ERC1: variants seen among roughly 807,000 people sequenced by gnomAD.
ERC1 encodes ELKS/RAB6-interacting/CAST family member 1, also known as RAB6 interacting protein 2.
Under a neutral mutation model 132.0 loss-of-function variants are expected in ERC1, and 56 were observed. The observed-to-expected ratio is 0.42, with a 90% CI of 0.34 to 0.53. The LOEUF is 0.53. ERC1 is among the 20% of genes least tolerant of loss of function. The pLI is 0.03. For synonymous variants in ERC1, 478 were observed against 476.1 expected, an observed-to-expected ratio of 1.00 and a Z score of -0.05; for missense variants, 1,202 against 1,349.9, an observed-to-expected ratio of 0.89 and a Z score of 1.72.
intron 1 of ERC1, among the ~76,000 whole-genome samples, chr12:999,652 G>A (rs1437536309): frequency 1.6e-5 from 2 of 121,740 alleles, no homozygotes; most frequent in Admixed American, 1.2e-4. Context: ...TCACTCTGTC[G>A]CCAGGCTGGA....
At chr12:1,346,873 C>T (rs1211424585) in intron 15 of ERC1, among the ~76,000 whole-genome samples, 1 of 146,766 alleles carries the variant, frequency 6.8e-6, no homozygotes, top group African/African-American at 2.6e-5. Context: ...ACCCGGGAAG[C>T]GGAGCTTGCA....
intron 15 of ERC1, among the ~76,000 whole-genome samples, chr12:1,346,612 A>G (rs917044435): frequency 6.6e-6 from 1 of 152,230 alleles, no homozygotes; most frequent in African/African-American, 2.4e-5. Flanking sequence ...TCCAGTGTAT[A>G]GGAAACAGCG....
intron 14 of ERC1, among the ~76,000 whole-genome samples, chr12:1,285,877 T>C (rs930120749): frequency 2.0e-5 from 3 of 152,168 alleles, no homozygotes; most frequent in African/African-American, 7.2e-5. Flanking sequence ...ATCCTGAACA[T>C]GTAGAAAAAT....
In ERC1 at chr12:1,066,297, A is replaced by AT. The variant is rs553759047; in HGVS notation, c.670-16866dup. ...TTACCGGGAGCTGGAGCCTTCACATATATTGATTCTAAGCCTTATGTCAGC... is the reference window on the plus strand; with the variant it reads ...TTACCGGGAGCTGGAGCCTTCACATATTATTGATTCTAAGCCTTATGTCAGC... On this transcript the variant is annotated intron_variant, in intron 2 of 18. Transcript: ENST00000360905. Among the ~76,000 whole-genome samples the AT allele has an allele frequency of 7.1e-3, 1,082 of 152,376 alleles. 11 individuals are homozygous for AT. The highest frequency in any genetic ancestry group is 0.025 in the African/African-American group (1,038 of 41,594).
chr12:1,433,073 G>C (rs2092844130), intron 17 of ERC1, among the ~76,000 whole-genome samples: 1 of 152,196 alleles, frequency 6.6e-6, no homozygotes. Flanking sequence ...ATCCAGTGTA[G>C]TACTGTAAGG....
upstream of ERC1, chr12:990,058 A>C (rs1443996278): frequency 1.3e-5 from 2 of 152,214 alleles, no homozygotes; most frequent in African/African-American, 2.4e-5. Flanking sequence ...GGGAACAGTT[A>C]AGAGTCCGGG....
intron 2 of ERC1, among the ~76,000 whole-genome samples, chr12:1,051,394 A>G (rs1259345951): frequency 6.6e-6 from 1 of 152,116 alleles, no homozygotes; most frequent in Non-Finnish European, 1.5e-5. Flanking sequence ...GTATAATTAG[A>G]AATAAAGAAG....
chr12:1,444,505 C>A, intron 17 of ERC1, 57 bp from the exon 18 acceptor site: 1 of 1,287,260 alleles, frequency 7.8e-7, no homozygotes, highest in Non-Finnish European at 1.1e-6. Flanking sequence ...CCTCTCATTT[C>A]AGACTGACCT....
chr12:1,174,672 G>A (rs188052050), intron 8 of ERC1, among the ~76,000 whole-genome samples: 1 of 152,362 alleles, frequency 6.6e-6, no homozygotes, highest in African/African-American at 2.4e-5. Flanking sequence ...TGTAAGGGGT[G>A]TTTGTATATT....
intron 15 of ERC1, among the ~76,000 whole-genome samples, chr12:1,317,332 C>T (rs906194007): frequency 6.6e-6 from 1 of 152,092 alleles, no homozygotes; most frequent in Admixed American, 6.5e-5. Context: ...CATGTTCTCA[C>T]TCATAAGTGG....
chr12:1,312,143 A>T (rs1215165884), intron 15 of ERC1, among the ~76,000 whole-genome samples: 1 of 152,146 alleles, frequency 6.6e-6, no homozygotes, highest in Non-Finnish European at 1.5e-5. Flanking sequence ...GAGTAAGTGG[A>T]GTTCCTGACA....
intron 17 of ERC1, among the ~76,000 whole-genome samples, chr12:1,442,854 A>C (rs866667332): frequency 2.6e-5 from 4 of 152,250 alleles, no homozygotes; most frequent in South Asian, 2.1e-4. Flanking sequence ...ATATAAATTT[A>C]TTAAAAGACT....
At chr12:1,201,063 C>T (rs1034093396) in intron 12 of ERC1, among the ~76,000 whole-genome samples, 3 of 152,142 alleles carry the variant, frequency 2.0e-5, no homozygotes, top group African/African-American at 7.2e-5. Context: ...AATGTAAGTA[C>T]ATTCATCTGC....
intron 15 of ERC1, among the ~76,000 whole-genome samples, chr12:1,335,882 T>TCTGG (rs2083271695): frequency 6.6e-6 from 1 of 151,816 alleles, no homozygotes; most frequent in South Asian, 2.1e-4. Context: ...TGTTTATTTA[T>TCTGG]TTGGTTGGTT....
chr12:1,371,868 A>T lies in ERC1; in HGVS notation c.2816A>T (p.Asp939Val), dbSNP rs1246620231. The part of the protein sequence containing the change: ...EALLAAISEK[D>V]ANIALLELSS... Reference sequence around the variant, plus strand: ...CTTCTGGCTGCCATTAGTGAAAAAGACGCCAATATAGCTCTCTTGGAGCTT... The same window carrying T: ...CTTCTGGCTGCCATTAGTGAAAAAGTCGCCAATATAGCTCTCTTGGAGCTT... Residue 939 changes from aspartate to valine, a missense_variant, in exon 16 of 19, where the codon GAC becomes GTC. Physicochemically the swap from Asp to Val is radical, Grantham distance 152. Coordinates refer to ENST00000360905, the MANE Select transcript of ERC1 (RefSeq NM_178040.4). 2 of 1,613,982 alleles carry T rather than the reference A, an allele frequency of 1.2e-6. No individual in the cohort carries two copies. The highest frequency in any genetic ancestry group is 1.7e-6 in the Non-Finnish European group (2 of 1,180,012).
chr12:1,230,330 T>G (rs777992187), intron 12 of ERC1, among the ~76,000 whole-genome samples: 2 of 152,198 alleles, frequency 1.3e-5, no homozygotes, highest in Non-Finnish European at 2.9e-5. Flanking sequence ...GATTTCTTCT[T>G]TGACCCATTG....
At chr12:1,075,671 A>G (rs746984179) in intron 2 of ERC1, among the ~76,000 whole-genome samples, 2 of 152,040 alleles carry the variant, frequency 1.3e-5, no homozygotes, top group African/African-American at 2.4e-5. Context: ...AGCCTGGGCA[A>G]CAAAAGTGCA....
intron 15 of ERC1, among the ~76,000 whole-genome samples, chr12:1,353,000 G>A (rs1595178329): frequency 6.6e-6 from 1 of 151,138 alleles, no homozygotes; most frequent in Non-Finnish European, 1.5e-5. Flanking sequence ...TATTGGGTAC[G>A]AGAAGCAATC....
chr12:1,476,740 C>T (rs558531809), intron 18 of ERC1, among the ~76,000 whole-genome samples: 1 of 152,130 alleles, frequency 6.6e-6, no homozygotes, highest in Admixed American at 6.5e-5. Flanking sequence ...AAGCTTTACA[C>T]AGGTCTATAC....
Sources: gnomAD v4.1 joint callset for allele counts (sites outside exome capture counted in the v4.1 genomes callset) on GRCh38, gnomAD v4.1.1 for gene constraint, MANE v1.5 for transcripts, NCBI Gene and HGNC (gene_info 2026-07-23, HGNC 2026-07-21) for gene names.